The following MEGF11 variants were observed in gnomAD, a reference collection of about 807,000 sequenced individuals.
The protein encoded by MEGF11 is multiple epidermal growth factor-like domains protein 11.
MEGF11 carries 126 observed loss-of-function variants against 146.6 expected under a neutral mutation model. The ratio of observed to expected loss-of-function variants is 0.86; its 90% CI spans 0.74 to 1.00. The LOEUF (loss-of-function observed/expected upper bound fraction) is 1.00. Among genes scored for constraint, MEGF11 ranks in the 50% least tolerant of loss-of-function variants. The pLI, the probability that MEGF11 is intolerant of heterozygous loss-of-function variation, is 0.00. For missense variants in MEGF11, 1,509 were observed against 1,521.2 expected, an observed-to-expected ratio of 0.99 and a Z score of 0.13; for synonymous variants, 532 against 583.4, an observed-to-expected ratio of 0.91 and a Z score of 1.27.
intron 13 of MEGF11, among the ~76,000 whole-genome samples, chr15:65,925,627 A>G (rs1434585970): frequency 6.6e-6 from 1 of 152,166 alleles, no homozygotes; most frequent in East Asian, 1.9e-4. Flanking sequence ...CTACAGTTGG[A>G]TAGGGATAGT....
Position 66,102,925 on chromosome 15 carries a change from T to G in MEGF11, c.302-8431A>C, listed in dbSNP as rs2086887383. Among the ~76,000 whole-genome samples the G allele has an allele frequency of 3.3e-5, 5 of 152,250 alleles. No individual in the cohort carries two copies. The South Asian group carries it at 1.0e-3, about 31-fold the overall frequency. The stretch of plus-strand genomic sequence containing the variant: ...AAGAGCTGACACTCAGCACTTACTG[T>G]GTGCCACACACTGTTCCAAGCACCT... On this transcript the variant is annotated intron_variant, in intron 4 of 25. Transcript: ENST00000395614.
chr15:66,252,878 G>A (rs552358960), intron 1 of MEGF11, among the ~76,000 whole-genome samples: 1 of 152,200 alleles, frequency 6.6e-6, no homozygotes, highest in African/African-American at 2.4e-5. Context: ...CGCGCAGAGA[G>A]TCACTTGCTT....
chr15:66,097,163 C>T (rs1299757894), intron 4 of MEGF11, among the ~76,000 whole-genome samples: 2 of 152,200 alleles, frequency 1.3e-5, no homozygotes, highest in African/African-American at 4.8e-5. Context: ...ATTCATATTT[C>T]GTAAGTGTTG....
intron 5 of MEGF11, among the ~76,000 whole-genome samples, chr15:66,045,960 T>C (rs1433515392): frequency 6.6e-6 from 1 of 151,914 alleles, no homozygotes; most frequent in Non-Finnish European, 1.5e-5. Context: ...AAAATTAGCA[T>C]GGTGTGGTGG....
rs149297526 is a variant in MEGF11, at chr15:66,187,605, C to T, written c.-8-59194G>A. Among the ~76,000 whole-genome samples the T allele has an allele frequency of 6.6e-5, 10 of 152,340 alleles. No homozygotes were observed. The East Asian group carries it at 1.3e-3, about 21-fold the overall frequency. ...ATTACGGCAGTCTTGTGTACTCACA[C>T]GCAAAGCACGGTCTCTCCTACCTGG... is the stretch of plus-strand genomic sequence containing the variant. On this transcript the variant is annotated intron_variant, in intron 1 of 25. Coordinates refer to ENST00000395614, the MANE Select transcript of MEGF11 (RefSeq NM_001385028.1).
intron 1 of MEGF11, among the ~76,000 whole-genome samples, chr15:66,158,151 G>T (rs965444348): frequency 6.6e-6 from 1 of 152,210 alleles, no homozygotes; most frequent in South Asian, 2.1e-4. Context: ...AAAAAAAATT[G>T]CTGGAAAAGG....
At chr15:65,944,898 GTTT>G (rs35017817) in intron 10 of MEGF11, among the ~76,000 whole-genome samples, 1 of 134,292 alleles carries the variant, frequency 7.4e-6, no homozygotes. Context: ...AAACTCTCAG[GTTT>G]TTTTTTTTTT....
intron 5 of MEGF11, among the ~76,000 whole-genome samples, chr15:66,001,648 C>T (rs902470486): frequency 1.3e-5 from 2 of 152,006 alleles, no homozygotes; most frequent in Non-Finnish European, 2.9e-5. Flanking sequence ...TTCTTTCTCT[C>T]TCATCTCCCC....
chr15:65,966,877 T>C (rs959208431), intron 8 of MEGF11, among the ~76,000 whole-genome samples: 3 of 151,900 alleles, frequency 2.0e-5, no homozygotes, highest in Non-Finnish European at 4.4e-5. Flanking sequence ...CTGGGCTCTT[T>C]CCCAGAGGAT....
At chr15:66,063,861 C>T (rs1242732904) in intron 5 of MEGF11, among the ~76,000 whole-genome samples, 2 of 152,202 alleles carry the variant, frequency 1.3e-5, no homozygotes, top group Non-Finnish European at 2.9e-5. Flanking sequence ...GGAGCATGTA[C>T]TTCTTAAGTG....
Position 65,955,823 on chromosome 15 carries a change from A to ATATAAATATATAT in MEGF11, c.1287+1723_1287+1724insATATATATTTATA, listed in dbSNP as rs1555455891. On this transcript the variant is annotated intron_variant, in intron 10 of 25. Transcript: ENST00000395614. ...ACACACACACACACACAATACTTTA[A>ATATAAATATATAT]ATATATAACATGTAATCAATATAAC... Among the ~76,000 whole-genome samples the ATATAAATATATAT allele has an allele frequency of 1.7e-4, 7 of 40,200 alleles. 2 individuals are homozygous for ATATAAATATATAT. Among genetic ancestry groups the ATATAAATATATAT allele is most frequent in the South Asian group, 1.0e-3 (1 of 968 alleles). 26.4% of individuals were successfully genotyped at this position (40,200 alleles called of 152,430 possible). A position where few individuals can be genotyped will look rare whatever the true frequency, so the allele number is the denominator to read the frequency against.
intron 1 of MEGF11, among the ~76,000 whole-genome samples, chr15:66,249,100 A>G (rs1242657952): frequency 6.6e-6 from 1 of 152,188 alleles, no homozygotes; most frequent in East Asian, 1.9e-4. Context: ...ACAGCTTCAT[A>G]TCAGAAATAC....
At chr15:66,196,110 C>G (rs750853877) in intron 1 of MEGF11, among the ~76,000 whole-genome samples, 1 of 151,936 alleles carries the variant, frequency 6.6e-6, no homozygotes, top group Non-Finnish European at 1.5e-5. Context: ...TGGCTGGAAC[C>G]GGGGGAGAAC....
intron 1 of MEGF11, among the ~76,000 whole-genome samples, chr15:66,220,917 G>A (rs910235327): frequency 6.6e-6 from 1 of 152,060 alleles, no homozygotes; most frequent in Admixed American, 6.6e-5. Context: ...ACAAAATTCA[G>A]AGGAATATAC....
intron 4 of MEGF11, among the ~76,000 whole-genome samples, chr15:66,109,134 C>A (rs1231674930): frequency 2.0e-5 from 3 of 152,132 alleles, no homozygotes; most frequent in African/African-American, 7.2e-5. Flanking sequence ...CAAAACCCAG[C>A]CGCCAGACCC....
intron 13 of MEGF11, among the ~76,000 whole-genome samples, chr15:65,927,054 A>G (rs1031800820): frequency 5.3e-5 from 8 of 152,198 alleles, no homozygotes; most frequent in African/African-American, 1.7e-4. Context: ...CTGAGAACCT[A>G]TACTGCCAGA....
At chr15:66,243,856 G>C (rs980083151) in intron 1 of MEGF11, among the ~76,000 whole-genome samples, 1 of 152,004 alleles carries the variant, frequency 6.6e-6, no homozygotes, top group Admixed American at 6.6e-5. Context: ...CACCTCTACC[G>C]ACCTGCAGAA....
rs142017224 is a variant in MEGF11, at chr15:66,091,975, T to C, written c.394+2427A>G. The stretch of plus-strand genomic sequence containing the variant: ...TTCTTCTGTGCAGCCTCAATGGCTA[T>C]TATCAACTGCTCTGAGATGATCATT... On this transcript the variant is annotated intron_variant, in intron 5 of 25. Coordinates refer to ENST00000395614, the MANE Select transcript of MEGF11 (RefSeq NM_001385028.1). 2.0e-4 allele frequency among the ~76,000 whole-genome samples: 31 copies of C among 152,356 alleles called. No homozygotes were observed. The East Asian group carries it at 5.2e-3, about 26-fold the overall frequency.
intron 16 of MEGF11, among the ~76,000 whole-genome samples, chr15:65,917,158 C>T (rs1390583821): frequency 6.6e-6 from 1 of 152,196 alleles, no homozygotes; most frequent in Non-Finnish European, 1.5e-5. Context: ...CCCATTAAGC[C>T]CAGATTCTCT....
Sources: gnomAD v4.1 joint callset for allele counts (sites outside exome capture counted in the v4.1 genomes callset) on GRCh38, gnomAD v4.1.1 for gene constraint, MANE v1.5 for transcripts, NCBI Gene and HGNC (gene_info 2026-07-23, HGNC 2026-07-21) for gene names.